Variants in GET1 observed in about 807,000 individuals in gnomAD.
The protein encoded by GET1 is congenital heart disease 5 protein.
GET1 carries 20 observed loss-of-function variants against 22.6 expected under a neutral mutation model. The ratio of observed to expected loss-of-function variants is 0.89; its 90% CI spans 0.62 to 1.29. GET1 has a LOEUF of 1.29. GET1 is among the 50% of genes most tolerant of loss of function. GET1 has a pLI of 0.00. For synonymous variants in GET1, 92 were observed against 83.8 expected (o/e 1.10, Z -0.53); for missense variants, 209 against 219.9 (o/e 0.95, Z 0.31).
At chr21:39,407,787 T>A (rs987973224), downstream of GET1, 5 of 152,200 alleles carry the variant, frequency 3.3e-5, no homozygotes, top group African/African-American at 9.7e-5. Context: ...TGGATACACT[T>A]TCTAGGACAC....
intron 4 of GET1, among the ~76,000 whole-genome samples, chr21:39,404,922 C>T (rs1409525399): frequency 6.6e-6 from 1 of 151,284 alleles, no homozygotes; most frequent in African/African-American, 2.4e-5. Flanking sequence ...CCTCTGCCTC[C>T]TGGGGTTCCA....
chr21:39,385,312 C>A (rs753726084), intron 1 of GET1, among the ~76,000 whole-genome samples: 2 of 152,186 alleles, frequency 1.3e-5, no homozygotes, highest in Non-Finnish European at 2.9e-5. Context: ...GGTCTCCCCC[C>A]TCCCCCCGCG....
At position 39,380,447 on chromosome 21, in the gene GET1, C is replaced by CT. The variant is rs1295999589; in HGVS notation, c.63_64insT (p.Asn22Ter). ...TGGTGCTCAGCTTCGTGTTTGGATG[C>CT]AATGTTCTTAGGATCCTCCTCCCGT... On this transcript the variant is annotated frameshift_variant, in exon 1 of 5. Coordinates refer to ENST00000649170, the MANE Select transcript of GET1 (RefSeq NM_004627.6). LOFTEE classifies it high-confidence loss of function. 1 of 1,613,208 alleles carries CT rather than the reference C, an allele frequency of 6.2e-7. No homozygotes were observed. Among genetic ancestry groups the CT allele is most frequent in the East Asian group, 2.2e-5 (1 of 44,886 alleles).
intron 1 of GET1, among the ~76,000 whole-genome samples, chr21:39,424,114 G>A (rs1018064759): frequency 2.6e-5 from 4 of 152,078 alleles, no homozygotes; most frequent in Non-Finnish European, 4.4e-5. Context: ...CCGGGTTCAA[G>A]CGATTCTCCT....
downstream of GET1, chr21:39,410,158 T>G: frequency 7.7e-7 from 1 of 1,301,626 alleles, no homozygotes. Context: ...AAAATTGCAT[T>G]TTATTCTAAT....
chr21:39,380,920 G>T, intron 1 of GET1: 3 of 997,472 alleles, frequency 3.0e-6, no homozygotes, highest in Non-Finnish European at 3.6e-6. Context: ...CACATTCTTG[G>T]GGTGGGTAGG....
At chr21:39,418,711 GCT>G (rs1394417119) in intron 1 of GET1, among the ~76,000 whole-genome samples, 9 of 151,818 alleles carry the variant, frequency 5.9e-5, no homozygotes, top group Middle Eastern at 3.2e-3. Context: ...TGTTGGTCAG[GCT>G]GGTCTCGAAC....
chr21:39,419,458 G>A (rs946930250), intron 1 of GET1, among the ~76,000 whole-genome samples: 21 of 150,458 alleles, frequency 1.4e-4, no homozygotes, highest in East Asian at 1.4e-3. Context: ...CCAGGAGTTC[G>A]AGGCTGCAGT....
At chr21:39,407,556 GAATAAT>G (rs2039295361), downstream of GET1, among the ~76,000 whole-genome samples, 1 of 152,212 alleles carries the variant, frequency 6.6e-6, no homozygotes, top group Admixed American at 6.5e-5. Context: ...TCTGCCAAAG[GAATAAT>G]GGTTAAATAA....
At chr21:39,420,876 A>T (rs2147633378) in intron 1 of GET1, 3 of 1,555,036 alleles carry the variant, frequency 1.9e-6, no homozygotes, top group Non-Finnish European at 2.6e-6. Flanking sequence ...CTATTCTGCA[A>T]CCAAGTTAGT....
At chr21:39,414,674 A>G (rs2040724401) in intron 1 of GET1, among the ~76,000 whole-genome samples, 1 of 150,642 alleles carries the variant, frequency 6.6e-6, no homozygotes, top group African/African-American at 2.4e-5. Flanking sequence ...TGCCAAGGCT[A>G]GGTCATAAAA....
intron 4 of GET1, 46 bp downstream of exon 4, chr21:39,393,326 A>T (rs778501556): frequency 3.4e-6 from 5 of 1,450,970 alleles, no homozygotes; most frequent in Admixed American, 3.4e-5. Context: ...GAATAGGCTT[A>T]TGTAGAGGTG....
intron 1 of GET1, among the ~76,000 whole-genome samples, chr21:39,426,727 A>G (rs2074772714): frequency 6.6e-6 from 1 of 152,230 alleles, no homozygotes; most frequent in African/African-American, 2.4e-5. Flanking sequence ...GAGATTTGTA[A>G]ATTTCAAATG....
intron 1 of GET1, among the ~76,000 whole-genome samples, chr21:39,416,743 C>T (rs2147407382): frequency 6.6e-6 from 1 of 152,208 alleles, no homozygotes; most frequent in East Asian, 1.9e-4. Flanking sequence ...ATAAGATACA[C>T]ACAACATTCT....
At chr21:39,388,089 T>TG (rs2038044442) in intron 1 of GET1, among the ~76,000 whole-genome samples, 1 of 152,118 alleles carries the variant, frequency 6.6e-6, no homozygotes. Flanking sequence ...AAAAGAATCT[T>TG]GGGGGCCGGG....
At chr21:39,393,960 A>G (rs1184131865) in intron 4 of GET1, among the ~76,000 whole-genome samples, 1 of 151,948 alleles carries the variant, frequency 6.6e-6, no homozygotes, top group Non-Finnish European at 1.5e-5. Flanking sequence ...ACGTTCTTTT[A>G]TTTTTGAAGA....
At chr21:39,406,726 G>A, downstream of GET1, 1 of 756,020 alleles carries the variant, frequency 1.3e-6, no homozygotes. Context: ...TGAAATGACA[G>A]AAAAGGTAAG....
chr21:39,405,776 AAC>A (rs1425460354), intron 4 of GET1: 5 of 824,252 alleles, frequency 6.1e-6, no homozygotes, highest in Non-Finnish European at 6.9e-6. Context: ...TAAGTACTAA[AAC>A]ACACACATAC....
At chr21:39,387,918 A>G (rs1267898895) in intron 1 of GET1, 1 of 874,490 alleles carries the variant, frequency 1.1e-6, no homozygotes, top group Non-Finnish European at 1.4e-6. Context: ...CTTTAGATAC[A>G]CTATAACATT....
Sources: allele counts gnomAD v4.1 joint callset (sites outside exome capture counted in the v4.1 genomes callset), GRCh38; gene constraint gnomAD v4.1.1; transcripts MANE v1.5; gene names NCBI Gene and HGNC (gene_info 2026-07-23, HGNC 2026-07-21).